The following OPCML variants were observed in gnomAD, a reference collection of about 807,000 sequenced individuals.
OPCML encodes opioid binding protein/cell adhesion molecule like.
A neutral mutation model predicts 37.8 loss-of-function variants in OPCML; 13 were observed. The ratio of observed to expected loss-of-function variants is 0.34; its 90% CI spans 0.22 to 0.55. The LOEUF is 0.55. OPCML is among the 20% of genes least tolerant of loss of function. The probability of loss-of-function intolerance (pLI) is 0.91; values close to 1 mark genes in which losing one functional copy is unlikely to be tolerated. For synonymous variants in OPCML, 176 were observed against 168.8 expected, an observed-to-expected ratio of 1.04 and a Z score of -0.33; for missense variants, 341 against 435.6, an observed-to-expected ratio of 0.78 and a Z score of 1.93.
rs1272194922 is a variant in OPCML at position 132,477,196 on chromosome 11, C to T, written c.506-39837G>A. Among the ~76,000 whole-genome samples the T allele has an allele frequency of 4.6e-5, 7 of 152,286 alleles. No individual in the cohort carries two copies. In the East Asian group the frequency reaches 1.4e-3, roughly 29 times the overall value. On this transcript the variant is annotated intron_variant, in intron 4 of 7. Transcript: ENST00000524381. ...AGCCAGAGTGAGTTGCCCAAGATGGCTCTTGAAGCCAAGTCCCCATACACC... is the reference window on the plus strand; with the variant it reads ...AGCCAGAGTGAGTTGCCCAAGATGGTTCTTGAAGCCAAGTCCCCATACACC...
chr11:133,258,325 A>G (rs183157713), intron 1 of OPCML, among the ~76,000 whole-genome samples: 1 of 152,302 alleles, frequency 6.6e-6, no homozygotes, highest in Non-Finnish European at 1.5e-5. Flanking sequence ...TGAACATATT[A>G]TCTTGGTAGG....
chr11:132,600,732 G>A (rs890459443), intron 3 of OPCML, among the ~76,000 whole-genome samples: 1 of 150,506 alleles, frequency 6.6e-6, no homozygotes, highest in African/African-American at 2.5e-5. Flanking sequence ...TATTATAACA[G>A]GTAAATTTCT....
At position 133,118,372 on chromosome 11, in the gene OPCML, T is replaced by G. The variant is rs529333716; in HGVS notation, c.62-175362A>C. 4.8e-4 allele frequency: 476 copies of G among 985,006 alleles called. 5 individuals carry two copies. The highest frequency in any genetic ancestry group is 3.2e-3 in the East Asian group (28 of 8,788). The allele number at this position is 985,006 out of a possible 1,614,324, so 61.0% of individuals were successfully genotyped here. A position where few individuals can be genotyped will look rare whatever the true frequency, so the allele number is the denominator to read the frequency against. On this transcript the variant is annotated intron_variant, in intron 1 of 7. Coordinates refer to ENST00000524381, the MANE Select transcript of OPCML (RefSeq NM_001012393.5). ...CATGCCGGTTGTTTAACGGTGAGAGTTATAAACTGGAGTCTTTCTCTGTGT... is the reference window on the plus strand; with the variant it reads ...CATGCCGGTTGTTTAACGGTGAGAGGTATAAACTGGAGTCTTTCTCTGTGT...
intron 2 of OPCML, among the ~76,000 whole-genome samples, chr11:132,665,250 G>A (rs1591695699): frequency 6.6e-6 from 1 of 152,180 alleles, no homozygotes; most frequent in East Asian, 1.9e-4. Context: ...ACCTGAGGCA[G>A]AAAATCAGCC....
intron 1 of OPCML, among the ~76,000 whole-genome samples, chr11:133,529,105 G>A (rs1030412083): frequency 1.3e-5 from 2 of 152,110 alleles, no homozygotes; most frequent in African/African-American, 4.8e-5. Context: ...AAGAAGACAG[G>A]TTTTGACTCA....
intron 1 of OPCML, among the ~76,000 whole-genome samples, chr11:133,223,573 C>T (rs1565514287): frequency 6.6e-6 from 1 of 152,060 alleles, no homozygotes. Context: ...CAGGGGAGCA[C>T]TTAGAGAAAG....
At chr11:132,668,141 G>A (rs1942302743) in intron 2 of OPCML, among the ~76,000 whole-genome samples, 1 of 152,104 alleles carries the variant, frequency 6.6e-6, no homozygotes, top group Non-Finnish European at 1.5e-5. Flanking sequence ...AATTATACAC[G>A]ATGAAAAGTT....
chr11:133,287,281 T>C (rs546337518), intron 1 of OPCML, among the ~76,000 whole-genome samples: 1 of 147,646 alleles, frequency 6.8e-6, no homozygotes, highest in Non-Finnish European at 1.5e-5. Flanking sequence ...CTTTCTTTTT[T>C]TTTTTTTTTT....
intron 1 of OPCML, among the ~76,000 whole-genome samples, chr11:133,108,589 A>G (rs1949199489): frequency 6.6e-6 from 1 of 151,990 alleles, no homozygotes; most frequent in African/African-American, 2.4e-5. Context: ...ACACACACAC[A>G]CGCACAGACA....
At chr11:132,869,048 G>T (rs1942692387) in intron 2 of OPCML, among the ~76,000 whole-genome samples, 1 of 152,152 alleles carries the variant, frequency 6.6e-6, no homozygotes, top group Non-Finnish European at 1.5e-5. Context: ...CGAATGTGGG[G>T]TATGGCGGTA....
At chr11:132,735,080 G>T (rs1177997774) in intron 2 of OPCML, among the ~76,000 whole-genome samples, 1 of 152,170 alleles carries the variant, frequency 6.6e-6, no homozygotes, top group Non-Finnish European at 1.5e-5. Flanking sequence ...ACTAAAATGA[G>T]AGATGAACTA....
chr11:132,730,112 C>G (rs1309117142), intron 2 of OPCML, among the ~76,000 whole-genome samples: 1 of 141,916 alleles, frequency 7.0e-6, no homozygotes, highest in South Asian at 2.3e-4. Flanking sequence ...CTCCTGGGTT[C>G]AAGGAATTAT....
At chr11:132,597,845 C>T (rs567792778) in intron 3 of OPCML, among the ~76,000 whole-genome samples, 2 of 152,148 alleles carry the variant, frequency 1.3e-5, no homozygotes, top group Admixed American at 6.5e-5. Context: ...TGTATGTATG[C>T]GTGTTGTTTA....
intron 1 of OPCML, among the ~76,000 whole-genome samples, chr11:133,233,793 T>A (rs1229202668): frequency 6.6e-6 from 1 of 152,204 alleles, no homozygotes; most frequent in African/African-American, 2.4e-5. Context: ...TTAATCTGTC[T>A]TTTGTCAGCA....
chr11:133,151,847 G>GA lies in OPCML; in HGVS notation c.62-208838dup, dbSNP rs573172888. On this transcript the variant is annotated intron_variant, in intron 1 of 7. Coordinates refer to ENST00000524381, the MANE Select transcript of OPCML (RefSeq NM_001012393.5). The stretch of plus-strand genomic sequence containing the variant: ...AATCTCAACTGAGATCCCCAAGGCT[G>GA]AAAAAAGACCCCAGGCCCTCAGAAA... Among the ~76,000 whole-genome samples, 250 of 152,190 alleles carry GA rather than the reference G, an allele frequency of 1.6e-3. 1 individual carries two copies. Among genetic ancestry groups the GA allele is most frequent in the African/African-American group, 5.9e-3 (245 of 41,512 alleles).
chr11:133,124,136 C>T (rs184567014), intron 1 of OPCML, among the ~76,000 whole-genome samples: 120 of 151,294 alleles, frequency 7.9e-4, no homozygotes, highest in Admixed American at 4.5e-3. Context: ...GATTAGTCTA[C>T]TTCTCCCATA....
rs1379558259 is a variant in OPCML, at chr11:132,483,532, C to T, written c.505+45529G>A. 2.0e-5 allele frequency among the ~76,000 whole-genome samples: 3 copies of T among 152,222 alleles called. No individual in the cohort carries two copies. In the East Asian group the frequency reaches 5.8e-4, roughly 30 times the overall value. On this transcript the variant is annotated intron_variant, in intron 4 of 7. Coordinates refer to ENST00000524381, the MANE Select transcript of OPCML (RefSeq NM_001012393.5). ...ATTCAATGCCGTCCCCATCAAGCTA[C>T]CAATGCCTTTCTTCACAGAATTGGA... is the stretch of plus-strand genomic sequence containing the variant.
intron 3 of OPCML, among the ~76,000 whole-genome samples, chr11:132,624,733 G>A (rs1413751282): frequency 2.0e-5 from 3 of 152,010 alleles, no homozygotes; most frequent in Non-Finnish European, 1.5e-5. Context: ...TATCTTCCGG[G>A]AGGCACAAAC....
chr11:133,294,815 C>CTTTTTTTTTTTTTTTTTTTTGTTTTTTTT (rs1942583765), intron 1 of OPCML, among the ~76,000 whole-genome samples: 1 of 56,554 alleles, frequency 1.8e-5, no homozygotes, highest in Non-Finnish European at 3.2e-5. Context: ...TTCTTTCTTT[C>CTTTTTTTTTTTTTTTTTTTTGTTTTTTTT]TTTTTTTTTT....
Sources: allele counts gnomAD v4.1 joint callset (sites outside exome capture counted in the v4.1 genomes callset), GRCh38; gene constraint gnomAD v4.1.1; transcripts MANE v1.5; gene names NCBI Gene and HGNC (gene_info 2026-07-23, HGNC 2026-07-21).